Variants in PDCD6IP observed in about 807,000 individuals in gnomAD.
PDCD6IP encodes the protein programmed cell death 6-interacting protein.
PDCD6IP carries 43 observed loss-of-function variants against 103.7 expected under a neutral mutation model. The observed-to-expected ratio is 0.41, with a 90% confidence interval of 0.32 to 0.53. The LOEUF (loss-of-function observed/expected upper bound fraction) is 0.53. PDCD6IP is among the 20% of genes least tolerant of loss of function. PDCD6IP has a pLI of 0.16. For missense variants in PDCD6IP, 871 were observed against 1,036.7 expected (o/e 0.84, Z 2.20); for synonymous variants, 354 against 378.7 (o/e 0.93, Z 0.76).
rs9813317 is a variant in PDCD6IP, at chr3:33,818,947, C to G, written c.335-3008C>G. Among the ~76,000 whole-genome samples, 861 of 152,258 alleles carry G rather than the reference C, an allele frequency of 5.7e-3. 6 individuals carry two copies. Among genetic ancestry groups the G allele is most frequent in the African/African-American group, 0.02 (827 of 41,556 alleles). ...CTTTATCTTTCATGTTTAGAAATCT[C>G]AAAAGACTTAATGGGATTTCATTTT... is the stretch of plus-strand genomic sequence containing the variant. On this transcript the variant is annotated intron_variant, in intron 3 of 17. Transcript: ENST00000307296.
At chr3:33,835,187 TA>T (rs1559786102) in intron 7 of PDCD6IP, 19 of 453,530 alleles carry the variant, frequency 4.2e-5, no homozygotes, top group Non-Finnish European at 5.8e-5. Context: ...AGGCCAAACT[TA>T]AAAAAAAATT....
chr3:33,815,055 A>T (rs985041548), intron 3 of PDCD6IP, among the ~76,000 whole-genome samples: 3 of 148,694 alleles, frequency 2.0e-5, no homozygotes, highest in Admixed American at 6.7e-5. Context: ...TAAGATATAG[A>T]TGTATAATAT....
chr3:33,841,718 G>A (rs1308414466), intron 9 of PDCD6IP, among the ~76,000 whole-genome samples, 179 bp from the exon 10 acceptor site: 3 of 152,148 alleles, frequency 2.0e-5, no homozygotes, highest in Non-Finnish European at 2.9e-5. Flanking sequence ...GATTACACGC[G>A]TGAGCCACCG....
chr3:33,811,418 A>G (rs1425329065), intron 1 of PDCD6IP, among the ~76,000 whole-genome samples: 1 of 152,150 alleles, frequency 6.6e-6, no homozygotes, highest in Non-Finnish European at 1.5e-5. Context: ...GGAAAGGAGG[A>G]AAGATTAGAG....
chr3:33,842,753 T>C (rs1697505809), intron 10 of PDCD6IP, among the ~76,000 whole-genome samples: 1 of 152,238 alleles, frequency 6.6e-6, no homozygotes, highest in Non-Finnish European at 1.5e-5. Context: ...GGCACATTTG[T>C]TAAAACTAGG....
chr3:33,852,411 A>G, intron 12 of PDCD6IP, 77 bp from the exon 13 acceptor site: 2 of 1,445,472 alleles, frequency 1.4e-6, no homozygotes, highest in Non-Finnish European at 1.8e-6. Flanking sequence ...ATGAACCTTT[A>G]TATATTATTT....
chr3:33,845,300 TG>T, intron 11 of PDCD6IP, 118 bp from the exon 12 acceptor site: 1 of 584,412 alleles, frequency 1.7e-6, no homozygotes, highest in Non-Finnish European at 3.0e-6. Flanking sequence ...TGAAGTGAAT[TG>T]GGGTCTATAG....
At chr3:33,828,066 G>A (rs919343191) in intron 6 of PDCD6IP, 2 of 152,142 alleles carry the variant, frequency 1.3e-5, no homozygotes, top group East Asian at 1.9e-4. Context: ...AAGCAGTGAG[G>A]TTACAGGTTA....
chr3:33,860,361 A>G (rs1021554774), intron 15 of PDCD6IP, among the ~76,000 whole-genome samples: 1 of 152,214 alleles, frequency 6.6e-6, no homozygotes, highest in South Asian at 2.1e-4. Context: ...GTCGTTGTTA[A>G]TACTGAAGGC....
At chr3:33,844,071 C>G in intron 10 of PDCD6IP, 41 bp from the exon 11 acceptor site, 1 of 1,242,576 alleles carries the variant, frequency 8.0e-7, no homozygotes, top group East Asian at 2.3e-5. Flanking sequence ...GTTTTTATAC[C>G]AGAAATGACA....
At chr3:33,841,433 CTTT>C (rs1301369045) in intron 9 of PDCD6IP, among the ~76,000 whole-genome samples, 1 of 60,946 alleles carries the variant, frequency 1.6e-5, no homozygotes, top group Non-Finnish European at 2.9e-5. Flanking sequence ...CTTTGCTTTG[CTTT>C]TTTTTTTTTT....
Position 33,865,426 on chromosome 3 carries a change from C to A in PDCD6IP, c.2428C>A (p.Pro810Thr), listed in dbSNP as rs753107154. 2 of 1,585,086 alleles carry A rather than the reference C, an allele frequency of 1.3e-6. No homozygotes were observed. Among genetic ancestry groups the A allele is most frequent in the South Asian group, 1.2e-5 (1 of 86,128 alleles). ...GPPYPTYPGY[P>T]GYCQMPMPMG... ...ACCCTATCCCACCTATCCAGGATAT[C>A]CTGGGTAAGGCTGCAACATTGTGTA... is the stretch of plus-strand genomic sequence containing the variant. The change falls in exon 17 of 18, where the codon CCT (proline) becomes ACT (threonine). Residue 810 changes from proline to threonine, a missense_variant. By Grantham distance (38) the Pro-to-Thr change is conservative. Coordinates refer to ENST00000307296, the MANE Select transcript of PDCD6IP (RefSeq NM_013374.6).
chr3:33,853,100 T>G (rs902203556), intron 13 of PDCD6IP, among the ~76,000 whole-genome samples: 5 of 152,108 alleles, frequency 3.3e-5, no homozygotes, highest in Non-Finnish European at 7.4e-5. Context: ...ATTTTTTGTA[T>G]TTTTAGTAGA....
Position 33,843,434 on chromosome 3 carries a change from A to G in PDCD6IP, c.1360-678A>G, listed in dbSNP as rs549744323. Among the ~76,000 whole-genome samples the G allele has an allele frequency of 1.9e-3, 285 of 152,212 alleles. 2 individuals carry two copies. The highest frequency in any genetic ancestry group is 6.3e-3 in the African/African-American group (261 of 41,532). ...CTAGCTTGTGGCCTACTTTTTTTGTATGGTTCACTAGTTAAGGATAATTTT... is the reference window on the plus strand; with the variant it reads ...CTAGCTTGTGGCCTACTTTTTTTGTGTGGTTCACTAGTTAAGGATAATTTT... On this transcript the variant is annotated intron_variant, in intron 10 of 17. Transcript: ENST00000307296.
chr3:33,803,872 A>G (rs923507518), intron 1 of PDCD6IP, among the ~76,000 whole-genome samples: 1 of 151,608 alleles, frequency 6.6e-6, no homozygotes, highest in East Asian at 1.9e-4. Flanking sequence ...TGGTTTTTCT[A>G]ATATATTTTA....
intron 3 of PDCD6IP, among the ~76,000 whole-genome samples, chr3:33,821,679 G>T (rs1478727995): frequency 6.6e-6 from 1 of 152,152 alleles, no homozygotes; most frequent in Non-Finnish European, 1.5e-5. Flanking sequence ...TTTTACATTT[G>T]AATTTGATTG....
intron 1 of PDCD6IP, among the ~76,000 whole-genome samples, chr3:33,803,038 C>A (rs759338148): frequency 6.6e-6 from 1 of 152,162 alleles, no homozygotes; most frequent in Non-Finnish European, 1.5e-5. Flanking sequence ...TCACTTTTCA[C>A]CTTTTAGTAA....
intron 3 of PDCD6IP, among the ~76,000 whole-genome samples, chr3:33,819,140 A>T (rs143976609): frequency 3.3e-5 from 5 of 152,060 alleles, no homozygotes; most frequent in Non-Finnish European, 4.4e-5. Context: ...GTTCACTCGT[A>T]ATTTTTATAT....
At chr3:33,859,948 T>A (rs1697916223) in intron 15 of PDCD6IP, among the ~76,000 whole-genome samples, 1 of 152,208 alleles carries the variant, frequency 6.6e-6, no homozygotes, top group Admixed American at 6.5e-5. Flanking sequence ...GAAATAAAGC[T>A]ATACTTGTAT....
Sources: gnomAD v4.1 joint callset for allele counts (sites outside exome capture counted in the v4.1 genomes callset) on GRCh38, gnomAD v4.1.1 for gene constraint, MANE v1.5 for transcripts, NCBI Gene and HGNC (gene_info 2026-07-23, HGNC 2026-07-21) for gene names.